MCMDC2: variants seen among roughly 807,000 people sequenced by gnomAD.
The protein encoded by MCMDC2 is minichromosome maintenance domain containing 2.
MCMDC2 carries 54 observed loss-of-function variants against 75.8 expected under a neutral mutation model. The ratio of observed to expected loss-of-function variants is 0.71; its 90% confidence interval spans 0.57 to 0.89. The LOEUF is 0.89. Among genes scored for constraint, MCMDC2 ranks in the 40% least tolerant of loss-of-function variants. The probability of loss-of-function intolerance (pLI) is 0.00; values close to 1 mark genes in which losing one functional copy is unlikely to be tolerated. For missense variants in MCMDC2, 656 were observed against 780.4 expected, an observed-to-expected ratio of 0.84 and a Z score of 1.90; for synonymous variants, 249 against 274.6, an observed-to-expected ratio of 0.91 and a Z score of 0.92.
downstream of MCMDC2, chr8:66,922,660 C>T: frequency 2.7e-6 from 1 of 369,064 alleles, no homozygotes; most frequent in South Asian, 2.1e-5. Context: ...CAACCTTCTA[C>T]AAGTTTTTGG....
chr8:66,902,711 AATATATAT>A (rs1231949044), intron 13 of MCMDC2, among the ~76,000 whole-genome samples: 75 of 67,926 alleles, frequency 1.1e-3, no homozygotes, highest in South Asian at 3.7e-3. Context: ...AAAAAAAAAA[AATATATAT>A]ATATATATAT....
chr8:66,904,995 G>A (rs921499302), intron 13 of MCMDC2, among the ~76,000 whole-genome samples: 1 of 152,062 alleles, frequency 6.6e-6, no homozygotes, highest in African/African-American at 2.4e-5. Context: ...AGTGTGGAAT[G>A]ATAAATAAAA....
At chr8:66,895,749 C>T (rs1812323619) in intron 10 of MCMDC2, among the ~76,000 whole-genome samples, 1 of 152,084 alleles carries the variant, frequency 6.6e-6, no homozygotes, top group Non-Finnish European at 1.5e-5. Flanking sequence ...AGATATATTT[C>T]CCCCCAGTCA....
downstream of MCMDC2, among the ~76,000 whole-genome samples, chr8:66,923,835 C>T (rs1352422233): frequency 6.6e-6 from 1 of 152,048 alleles, no homozygotes. Flanking sequence ...TTGCAGTGTG[C>T]TGACATCGCG....
intron 4 of MCMDC2, among the ~76,000 whole-genome samples, chr8:66,876,868 C>T (rs923799256): frequency 1.3e-5 from 2 of 152,284 alleles, no homozygotes; most frequent in Admixed American, 1.3e-4. Context: ...TCATGCCATT[C>T]TCCTGCCTTA....
downstream of MCMDC2, among the ~76,000 whole-genome samples, chr8:66,925,129 T>TC (rs540679565): frequency 9.1e-4 from 139 of 152,136 alleles, no homozygotes; most frequent in Non-Finnish European, 1.6e-3. Context: ...CTCCCGACGG[T>TC]CCCTTGCAGG....
At chr8:66,895,711 G>C (rs1215957747) in intron 10 of MCMDC2, among the ~76,000 whole-genome samples, 2 of 152,078 alleles carry the variant, frequency 1.3e-5, no homozygotes, top group Non-Finnish European at 2.9e-5. Flanking sequence ...AGGGGACAAT[G>C]AATTTGGCTT....
rs959992233 is a variant in MCMDC2, at chr8:66,921,048, A to T, written c.*1879A>T. 1.3e-5 allele frequency: 2 copies of T among 152,084 alleles called. No individual in the cohort carries two copies. Among genetic ancestry groups the T allele is most frequent in the African/African-American group, 4.8e-5 (2 of 41,398 alleles). 9.4% of individuals were successfully genotyped at this position (152,084 alleles called of 1,614,324 possible). A position where few individuals can be genotyped will look rare whatever the true frequency, so the allele number is the denominator to read the frequency against. ...CACCCAAGCTGTAGTGTACTGATGC[A>T]ATCATAGCTCACTGCCACCTTAATC... On this transcript the variant is annotated 3_prime_UTR_variant, in exon 15 of 15. Coordinates refer to ENST00000422365, the MANE Select transcript of MCMDC2 (RefSeq NM_173518.5).
At chr8:66,898,493 G>A (rs1015790912) in intron 12 of MCMDC2, among the ~76,000 whole-genome samples, 2 of 151,720 alleles carry the variant, frequency 1.3e-5, no homozygotes, top group African/African-American at 4.8e-5. Flanking sequence ...GCATGGTGGC[G>A]CATGCCTGTA....
chr8:66,900,495 G>A (rs987549768), intron 12 of MCMDC2, among the ~76,000 whole-genome samples: 3 of 151,666 alleles, frequency 2.0e-5, no homozygotes, highest in Admixed American at 2.0e-4. Flanking sequence ...CTTTCTCCAG[G>A]TGTAGGTAGT....
At chr8:66,874,711 A>C (rs752560786) in intron 4 of MCMDC2, 125 bp downstream of exon 4, 6 of 778,282 alleles carry the variant, frequency 7.7e-6, no homozygotes, top group Admixed American at 3.0e-5. Flanking sequence ...ATTCAATAGA[A>C]TATCTTACAT....
At chr8:66,884,863 A>G (rs953625348) in intron 9 of MCMDC2, among the ~76,000 whole-genome samples, 10 of 151,944 alleles carry the variant, frequency 6.6e-5, no homozygotes, top group Admixed American at 3.3e-4. Flanking sequence ...AACAGCCTCA[A>G]CCTCCTGGGC....
At chr8:66,884,922 G>A (rs576670408) in intron 9 of MCMDC2, among the ~76,000 whole-genome samples, 10 of 152,070 alleles carry the variant, frequency 6.6e-5, no homozygotes, top group East Asian at 1.9e-4. Flanking sequence ...GACTAGAGGC[G>A]CACGCCACTA....
chr8:66,903,501 G>A (rs11987703), intron 13 of MCMDC2, among the ~76,000 whole-genome samples: 2,798 of 152,190 alleles, frequency 0.018, 88 homozygotes, highest in African/African-American at 0.062. Flanking sequence ...CTATCAGTAG[G>A]GGACTGTTTA....
Position 66,874,189 on chromosome 8 carries a change from A to G in MCMDC2, c.49A>G (p.Ser17Gly), listed in dbSNP as rs1047134060. 3.7e-6 allele frequency: 6 copies of G among 1,611,518 alleles called. No individual in the cohort carries two copies. Among genetic ancestry groups the G allele is most frequent in the African/African-American group, 1.3e-5 (1 of 74,804 alleles). ...GGCGGCCCTCATCTATCTTGACAGAAGTGGAGGCCTCCAAAAGTTTATAGA... is the reference window on the plus strand; with the variant it reads ...GGCGGCCCTCATCTATCTTGACAGAGGTGGAGGCCTCCAAAAGTTTATAGA... ...KEAALIYLDRSGGLQKFIDDC... is the reference protein window; with the variant it reads ...KEAALIYLDRGGGLQKFIDDC... The change falls in exon 2 of 15, where the codon AGT becomes GGT. Residue 17 changes from serine to glycine, a missense_variant. Coordinates refer to ENST00000422365, the MANE Select transcript of MCMDC2 (RefSeq NM_173518.5).
intron 12 of MCMDC2, among the ~76,000 whole-genome samples, chr8:66,897,368 C>G (rs1289627859): frequency 6.7e-6 from 1 of 149,322 alleles, no homozygotes; most frequent in South Asian, 2.1e-4. Context: ...GATCGCACCA[C>G]TGCACTCCTG....
At chr8:66,922,843 C>G (rs189516549), downstream of MCMDC2, 180 of 204,146 alleles carry the variant, frequency 8.8e-4, no homozygotes, top group African/African-American at 3.9e-3. Context: ...TACTTGCAAC[C>G]TACCTTTCAG....
intron 4 of MCMDC2, among the ~76,000 whole-genome samples, chr8:66,875,036 G>C (rs1004025270): frequency 6.6e-6 from 1 of 152,136 alleles, no homozygotes; most frequent in Non-Finnish European, 1.5e-5. Context: ...TTACAGGCGT[G>C]AGCCACCGCG....
intron 13 of MCMDC2, among the ~76,000 whole-genome samples, chr8:66,901,966 G>A (rs911846286): frequency 2.0e-5 from 3 of 152,042 alleles, no homozygotes; most frequent in African/African-American, 4.8e-5. Flanking sequence ...GGTCAGGCGC[G>A]GTGGCTCATG....
Sources: allele counts gnomAD v4.1 joint callset (sites outside exome capture counted in the v4.1 genomes callset), GRCh38; gene constraint gnomAD v4.1.1; transcripts MANE v1.5; gene names NCBI Gene and HGNC (gene_info 2026-07-23, HGNC 2026-07-21).